Variants in RIMS2 observed in about 807,000 individuals in gnomAD.
The protein encoded by RIMS2 is regulating synaptic membrane exocytosis protein 2.
RIMS2 carries 59 observed loss-of-function variants against 174.4 expected under a neutral mutation model. The observed-to-expected ratio is 0.34, with a 90% CI of 0.27 to 0.42. RIMS2 has a LOEUF of 0.42. RIMS2 is among the 10% of genes least tolerant of loss of function. The pLI is 1.00. For synonymous variants in RIMS2, 606 were observed against 572.5 expected (o/e 1.06, Z -0.84); for missense variants, 1,620 against 1,666.3 (o/e 0.97, Z 0.48).
At chr8:103,915,521 A>C in exon 7 of RIMS2, 1 of 1,603,056 alleles carries the variant, frequency 6.2e-7, no homozygotes, top group Non-Finnish European at 8.5e-7. Flanking sequence ...TGACTGAATC[A>C]GGTCGGCTTT....
At chr8:104,180,497 C>T (rs1293251595) in intron 19 of RIMS2, among the ~76,000 whole-genome samples, 1 of 151,428 alleles carries the variant, frequency 6.6e-6, no homozygotes, top group African/African-American at 2.4e-5. Context: ...TTCCCTGCTA[C>T]TCCAGAAAGT....
chr8:103,618,678 T>C (rs1176919946), intron 1 of RIMS2, among the ~76,000 whole-genome samples: 1 of 152,128 alleles, frequency 6.6e-6, no homozygotes, highest in Non-Finnish European at 1.5e-5. Context: ...CATGTTTCCT[T>C]AGGGGCCTCT....
chr8:104,229,543 A>G lies in RIMS2; in HGVS notation c.3335-15373A>G, dbSNP rs377239946. Among the ~76,000 whole-genome samples, 4 of 152,202 alleles carry G rather than the reference A, an allele frequency of 2.6e-5. No homozygotes were observed. The East Asian group carries it at 5.8e-4, about 22-fold the overall frequency. ...ATCCCACCAGGCCTCACATGGACCT[A>G]AACTGGGAGCCAGAAGGCTGTTAGG... On this transcript the variant is annotated intron_variant, in intron 19 of 23. Transcript: ENST00000504942.
chr8:103,549,964 T>C (rs886587170), intron 1 of RIMS2, among the ~76,000 whole-genome samples: 1 of 152,152 alleles, frequency 6.6e-6, no homozygotes, highest in Non-Finnish European at 1.5e-5. Context: ...AGCAAGTTCT[T>C]AGAGACCTAC....
intron 14 of RIMS2, among the ~76,000 whole-genome samples, chr8:103,948,595 T>C (rs2084417276): frequency 1.3e-5 from 2 of 152,222 alleles, no homozygotes; most frequent in Non-Finnish European, 2.9e-5. Context: ...ATGTGTTCTA[T>C]GATTCTACTT....
At chr8:103,590,330 T>C (rs2094190935) in intron 1 of RIMS2, among the ~76,000 whole-genome samples, 1 of 151,394 alleles carries the variant, frequency 6.6e-6, no homozygotes, top group South Asian at 2.1e-4. Flanking sequence ...AAAATCATTA[T>C]ACAGAAATCA....
intron 22 of RIMS2, 143 bp downstream of exon 28, chr8:104,249,731 C>A: frequency 1.7e-6 from 1 of 575,204 alleles, no homozygotes; most frequent in East Asian, 3.0e-5. Flanking sequence ...GTGCTGGAGT[C>A]ATTTGTGTGT....
intron 1 of RIMS2, among the ~76,000 whole-genome samples, chr8:103,507,245 T>C (rs1205326708): frequency 2.0e-5 from 3 of 152,154 alleles, no homozygotes; most frequent in East Asian, 1.9e-4. Context: ...CTCTTTCTTA[T>C]GTAGATTCTC....
At chr8:103,724,582 A>C (rs968438119) in intron 2 of RIMS2, among the ~76,000 whole-genome samples, 1 of 152,096 alleles carries the variant, frequency 6.6e-6, no homozygotes, top group Non-Finnish European at 1.5e-5. Context: ...ATTCTCCAAT[A>C]TTTTATCTTT....
At chr8:103,843,366 C>CA (rs2098951353) in intron 3 of RIMS2, among the ~76,000 whole-genome samples, 4 of 152,150 alleles carry the variant, frequency 2.6e-5, no homozygotes, top group Admixed American at 6.5e-5. Flanking sequence ...CCTGCCTCAG[C>CA]CTTGCTAATA....
At chr8:103,503,204 G>A (rs2130817244) in intron 1 of RIMS2, among the ~76,000 whole-genome samples, 1 of 151,888 alleles carries the variant, frequency 6.6e-6, no homozygotes, top group Non-Finnish European at 1.5e-5. Context: ...TGGCTTTCAT[G>A]GTTTCACATT....
chr8:103,566,829 T>C (rs2092394239), intron 1 of RIMS2, among the ~76,000 whole-genome samples: 1 of 152,220 alleles, frequency 6.6e-6, no homozygotes, highest in South Asian at 2.1e-4. Context: ...AATCCCTTCA[T>C]TGAGATAATT....
intron 3 of RIMS2, among the ~76,000 whole-genome samples, chr8:103,796,069 A>G (rs2098548200): frequency 6.6e-6 from 1 of 152,016 alleles, no homozygotes; most frequent in Non-Finnish European, 1.5e-5. Context: ...GTACATATTT[A>G]TGATTTTGAT....
chr8:103,801,988 A>G (rs947402511), intron 3 of RIMS2, among the ~76,000 whole-genome samples: 1 of 152,238 alleles, frequency 6.6e-6, no homozygotes, highest in South Asian at 2.1e-4. Flanking sequence ...TTTGTAAAAT[A>G]TATTTTGGTA....
At chr8:103,697,840 T>A (rs1287038051) in intron 2 of RIMS2, among the ~76,000 whole-genome samples, 1 of 151,964 alleles carries the variant, frequency 6.6e-6, no homozygotes, top group Non-Finnish European at 1.5e-5. Flanking sequence ...GCCTGGCCAA[T>A]ATGGTGAAAC....
intron 19 of RIMS2, among the ~76,000 whole-genome samples, chr8:104,053,088 C>T (rs2096813929): frequency 6.6e-6 from 1 of 152,136 alleles, no homozygotes; most frequent in South Asian, 2.1e-4. Flanking sequence ...TAGGGTTTTT[C>T]TAGTAACCTT....
chr8:103,556,311 C>T lies in RIMS2; in HGVS notation c.176+55249C>T, dbSNP rs116698819. Reference sequence around the variant, plus strand: ...GCACCATGAATATATACAATTTATACTACTTGTCAATTAAAAAATGAAGAT... The same window carrying T: ...GCACCATGAATATATACAATTTATATTACTTGTCAATTAAAAAATGAAGAT... On this transcript the variant is annotated intron_variant, in intron 1 of 23. Coordinates refer to ENST00000504942, the Ensembl canonical transcript of RIMS2. Among the ~76,000 whole-genome samples, 640 of 152,188 alleles carry T rather than the reference C, an allele frequency of 4.2e-3. 4 individuals carry two copies. Among genetic ancestry groups the T allele is most frequent in the African/African-American group, 0.015 (610 of 41,534 alleles).
intron 14 of RIMS2, among the ~76,000 whole-genome samples, chr8:103,949,124 CAAAAAAAA>C (rs533642917): frequency 1.4e-4 from 6 of 44,098 alleles, no homozygotes; most frequent in African/African-American, 2.9e-4. Flanking sequence ...GAGACTCTGT[CAAAAAAAA>C]AAAAAAAAAA....
intron 1 of RIMS2, among the ~76,000 whole-genome samples, chr8:103,632,680 C>T (rs1413827121): frequency 6.6e-6 from 1 of 150,984 alleles, no homozygotes; most frequent in Non-Finnish European, 1.5e-5. Context: ...CTTGGCCTCC[C>T]AGAGTGCTGG....
Sources: allele counts gnomAD v4.1 joint callset (sites outside exome capture counted in the v4.1 genomes callset), GRCh38; gene constraint gnomAD v4.1.1; transcripts MANE v1.5; gene names NCBI Gene and HGNC (gene_info 2026-07-23, HGNC 2026-07-21).